The following HIPK1 variants were observed in gnomAD, a reference collection of about 807,000 sequenced individuals.
HIPK1 encodes the protein homeodomain interacting protein kinase 1.
A neutral mutation model predicts 117.1 loss-of-function variants in HIPK1; 28 were observed. The ratio of observed to expected loss-of-function variants is 0.24; its 90% CI spans 0.18 to 0.33. The LOEUF is 0.33. Ranked by LOEUF, HIPK1 falls within the 10% of genes least tolerant of loss-of-function variation. The pLI is 1.00. For synonymous variants in HIPK1, 605 were observed against 562.5 expected (o/e 1.08, Z -1.07); for missense variants, 1,122 against 1,475.1 (o/e 0.76, Z 3.92).
chr1:113,939,533 A>G (rs202111999), intron 1 of HIPK1, among the ~76,000 whole-genome samples: 1 of 152,056 alleles, frequency 6.6e-6, no homozygotes, highest in East Asian at 1.9e-4. Flanking sequence ...TGAAATGTCC[A>G]AGTTGCAGGG....
Position 113,973,057 on chromosome 1 carries a change from G to A in HIPK1, c.3178G>A (p.Glu1060Lys), listed in dbSNP as rs1196341017. ...QQSSAAPTSQ[E>K]RSSNPAPRRQ... is the part of the protein sequence containing the mutation. ...GTCATCGGCGGCTCCAACCTCACAG[G>A]AGAGAAGCAGCAACCCAGCCCCCCG... is the stretch of plus-strand genomic sequence containing the variant. The change falls in exon 16 of 16, where the codon GAG (glutamate) becomes AAG (lysine). Residue 1060 changes from glutamate (E) to lysine (K), a missense_variant. Physicochemically the swap from Glu to Lys is moderately conservative, Grantham distance 56. Coordinates refer to ENST00000426820, the MANE Select transcript of HIPK1 (RefSeq NM_198268.3). 1 of 1,523,652 alleles carries A rather than the reference G, an allele frequency of 6.6e-7. No homozygotes were observed. Among genetic ancestry groups the A allele is most frequent in the Non-Finnish European group, 8.8e-7 (1 of 1,137,190 alleles). 94.4% of individuals were successfully genotyped at this position (1,523,652 alleles called of 1,614,324 possible).
rs144532739 is a variant in HIPK1 at position 113,936,504 on chromosome 1, G to A, written c.-2-3878G>A. Among the ~76,000 whole-genome samples, 739 of 151,212 alleles carry A rather than the reference G, an allele frequency of 4.9e-3. 5 individuals carry two copies. Among genetic ancestry groups the A allele is most frequent in the African/African-American group, 0.017 (685 of 41,204 alleles). On this transcript the variant is annotated intron_variant, in intron 1 of 15. Transcript: ENST00000426820. ...TTTTGAGATGGAGTCTCACTCTGTC[G>A]CCCAGGCTGGAATGCAATGGCATGA...
In HIPK1 at chr1:113,940,742, A is replaced by G. The variant is rs763862956; in HGVS notation, c.359A>G (p.Lys120Arg). 1 of 1,614,130 alleles carries G rather than the reference A, an allele frequency of 6.2e-7. No individual in the cohort carries two copies. Among genetic ancestry groups the G allele is most frequent in the Admixed American group, 1.7e-5 (1 of 60,018 alleles). ...GTTTCTTTGCTTGAGCCATATCAAA[A>G]ATGTGGATTGAAACGAAAAAGTGAG... is the stretch of plus-strand genomic sequence containing the variant. ...SNVSLLEPYQ[K>R]CGLKRKSEEV... Residue 120 changes from lysine (K) to arginine (R), a missense_variant, in exon 2 of 16, where the codon AAA (lysine) becomes AGA (arginine). By Grantham distance (26) the Lys-to-Arg change is conservative. Transcript: ENST00000426820.
At position 113,958,237 on chromosome 1, in the gene HIPK1, A is replaced by G; in HGVS notation, c.1927A>G (p.Thr643Ala). Residue 643 changes from threonine (T) to alanine (A), a missense_variant, in exon 8 of 16, where the codon ACT (threonine) becomes GCT (alanine). By Grantham distance (58) the Thr-to-Ala change is moderately conservative. This residue lies in a region of HIPK1 where 731 missense variants were observed against 860.4 expected (regional missense o/e 0.85). Coordinates refer to ENST00000426820, the MANE Select transcript of HIPK1 (RefSeq NM_198268.3). ...GCAGCCTGGAACCACCCAGATTTGC[A>G]CTCAGACAGATCCATTCCAACAGAC... ...SLQPGTTQIC[T>A]QTDPFQQTFI... The G allele has an allele frequency of 6.2e-7, 1 of 1,614,158 alleles. No individual in the cohort carries two copies. The highest frequency in any genetic ancestry group is 8.5e-7 in the Non-Finnish European group (1 of 1,180,026).
At chr1:113,969,795 T>C (rs1672698639) in intron 13 of HIPK1, among the ~76,000 whole-genome samples, 161 bp from the exon 14 acceptor site, 1 of 152,068 alleles carries the variant, frequency 6.6e-6, no homozygotes, top group African/African-American at 2.4e-5. Context: ...TAGTCCCAGC[T>C]ACTCGGGAGG....
chr1:113,932,372 T>C (rs1669953926), intron 1 of HIPK1: 2 of 142,596 alleles, frequency 1.4e-5, no homozygotes, highest in African/African-American at 5.4e-5. Flanking sequence ...TTGGATCTGT[T>C]TTTTTTTTTT....
intron 1 of HIPK1, among the ~76,000 whole-genome samples, chr1:113,931,745 G>A (rs1669911822): frequency 6.6e-6 from 1 of 152,078 alleles, no homozygotes; most frequent in Non-Finnish European, 1.5e-5. Context: ...ATGATTTGTT[G>A]GTACAAATCA....
intron 1 of HIPK1, chr1:113,929,843 G>C: frequency 1.0e-6 from 1 of 987,910 alleles, no homozygotes; most frequent in African/African-American, 1.7e-5. Flanking sequence ...CTCGCGCGGG[G>C]GGTATGATGA....
At chr1:113,968,022 G>A (rs541323119) in intron 12 of HIPK1, 74 bp downstream of exon 12, 11 of 1,302,162 alleles carry the variant, frequency 8.4e-6, no homozygotes, top group African/African-American at 3.0e-5. Context: ...TTGGAATATT[G>A]TATAGACATA....
In HIPK1 at chr1:113,968,460, G is replaced by A; in HGVS notation, c.2583G>A (p.Leu861=). 6.2e-7 allele frequency: 1 copy of A among 1,613,640 alleles called. No individual in the cohort carries two copies. Among genetic ancestry groups the A allele is most frequent in the Non-Finnish European group, 8.5e-7 (1 of 1,179,540 alleles). ...PVSSKSSLDV[L]PSQVYSLVGS... ...CCTACAGGTCCTCTCTAGATGTTCT[G>A]CCTTCCCAAGTCTATTCTCTGGTTG... Residue 861 remains leucine (L), a synonymous_variant, in exon 13 of 16, where the codon CTG becomes CTA. Transcript: ENST00000426820.
chr1:113,930,119 C>A (rs1036845412), intron 1 of HIPK1, among the ~76,000 whole-genome samples: 1 of 152,214 alleles, frequency 6.6e-6, no homozygotes, highest in African/African-American at 2.4e-5. Flanking sequence ...CTCACTGCCG[C>A]TGAGGGGATT....
At position 113,929,406 on chromosome 1, in the gene HIPK1, C is replaced by G; in HGVS notation, c.-129C>G. ...CTGCAGTGCGGAGGGGGCGGGAAGT[C>G]CAGGCCCCGCACTCGATCCACGCTG... On this transcript the variant is annotated 5_prime_UTR_variant, in exon 1 of 16. Coordinates refer to ENST00000426820, the MANE Select transcript of HIPK1 (RefSeq NM_198268.3). 7.8e-7 allele frequency: 1 copy of G among 1,289,208 alleles called. No individual in the cohort carries two copies. The highest frequency in any genetic ancestry group is 1.0e-6 in the Non-Finnish European group (1 of 988,818). 79.9% of individuals were successfully genotyped at this position (1,289,208 alleles called of 1,614,324 possible).
At position 113,933,149 on chromosome 1, in the gene HIPK1, A is replaced by G. The variant is rs893514104; in HGVS notation, c.-3+3617A>G. The G allele has an allele frequency of 2.4e-5, 24 of 984,280 alleles. No individual in the cohort carries two copies. In the Admixed American group the frequency reaches 1.2e-3, roughly 48 times the overall value. The allele number at this position is 984,280 out of a possible 1,614,324, so 61.0% of individuals were successfully genotyped here. Reference sequence around the variant, plus strand: ...TGTTCTGTTGCCGTAGTCATTCCAAATAAATCTAAGTGAACTATTGATTTT... The same window carrying G: ...TGTTCTGTTGCCGTAGTCATTCCAAGTAAATCTAAGTGAACTATTGATTTT... On this transcript the variant is annotated intron_variant, in intron 1 of 15. Coordinates refer to ENST00000426820, the MANE Select transcript of HIPK1 (RefSeq NM_198268.3).
intron 2 of HIPK1, among the ~76,000 whole-genome samples, chr1:113,950,131 T>C (rs1344962073): frequency 6.6e-6 from 1 of 152,190 alleles, no homozygotes; most frequent in African/African-American, 2.4e-5. Context: ...TTTTTTTTTC[T>C]TCTATGCCTA....
chr1:113,942,960 A>T (rs1414265526), intron 2 of HIPK1, among the ~76,000 whole-genome samples: 1 of 152,226 alleles, frequency 6.6e-6, no homozygotes, highest in Non-Finnish European at 1.5e-5. Context: ...GCCTGTAATA[A>T]AATTTGAGGA....
Position 113,976,233 on chromosome 1 carries a change from A to G in HIPK1, c.*2721A>G, listed in dbSNP as rs1313561302. 6.6e-6 allele frequency: 1 copy of G among 152,534 alleles called. No individual in the cohort carries two copies. 9.4% of individuals were successfully genotyped at this position (152,534 alleles called of 1,614,324 possible). On this transcript the variant is annotated 3_prime_UTR_variant, in exon 16 of 16. Transcript: ENST00000426820. The stretch of plus-strand genomic sequence containing the variant: ...TATATTGAGTTGTGTTTTCAGCACT[A>G]TATTGGTCAAGATAGCCAAGCAGTT...
chr1:113,955,836 T>C (rs1431904793), intron 5 of HIPK1, among the ~76,000 whole-genome samples, 187 bp downstream of exon 5: 2 of 152,168 alleles, frequency 1.3e-5, no homozygotes, highest in Non-Finnish European at 2.9e-5. Flanking sequence ...TTTTTAGAAT[T>C]ACATATTTCT....
intron 6 of HIPK1, 41 bp downstream of exon 6, chr1:113,956,852 T>C (rs774824591): frequency 1.3e-6 from 2 of 1,573,366 alleles, no homozygotes. Context: ...ATGTGGTTCT[T>C]TGTTGAGTTA....
At chr1:113,972,093 C>T (rs1301851490) in intron 15 of HIPK1, 139 bp downstream of exon 15, 38 of 1,601,602 alleles carry the variant, frequency 2.4e-5, no homozygotes, top group East Asian at 2.2e-4. Flanking sequence ...CTATGGCTTA[C>T]GTCGTACCGC....
Sources: gnomAD v4.1 joint callset for allele counts (sites outside exome capture counted in the v4.1 genomes callset) on GRCh38, gnomAD v4.1.1 for gene constraint, gnomAD v4.1.1 regional missense constraint, MANE v1.5 for transcripts, NCBI Gene and HGNC (gene_info 2026-07-23, HGNC 2026-07-21) for gene names.